SLC67A1: variants seen among roughly 807,000 people sequenced by gnomAD.
SLC67A1 encodes the protein solute carrier family 67 member 1, also known as solute carrier family 67 member A1.
the SLC67A1 span, chr11:2,916,852 T>C: frequency 2.3e-6 from 2 of 852,404 alleles, no homozygotes; most frequent in Non-Finnish European, 3.9e-6. Context: ...ATCTGGGGGC[T>C]ACTCACACCC....
chr11:2,921,904 AC>A, the SLC67A1 span: 2 of 611,316 alleles, frequency 3.3e-6, no homozygotes, highest in Non-Finnish European at 5.9e-6. Context: ...GGGATCTCAG[AC>A]CCATCCTGAC....
At chr11:2,917,057 A>T in the SLC67A1 span, 1 of 271,672 alleles carries the variant, frequency 3.7e-6, no homozygotes, top group Non-Finnish European at 6.7e-6. Flanking sequence ...AGGCCTGGGG[A>T]GGACCAGGAG....
the SLC67A1 span, chr11:2,909,382 G>A: frequency 1.3e-6 from 2 of 1,507,190 alleles, no homozygotes; most frequent in Non-Finnish European, 1.8e-6. Context: ...CTGGAGTCCA[G>A]GTGGGGCCGG....
the SLC67A1 span, chr11:2,925,142 T>C: frequency 1.2e-6 from 2 of 1,613,830 alleles, no homozygotes; most frequent in Non-Finnish European, 1.7e-6. The surrounding 1 kb of genome is among the most constrained non-coding windows in gnomAD (Gnocchi z 6.5). Flanking sequence ...AATACCCTTG[T>C]CCTCCTGGTC....
the SLC67A1 span, chr11:2,919,300 G>C: frequency 1.9e-6 from 3 of 1,611,240 alleles, no homozygotes; most frequent in African/African-American, 4.0e-5. Flanking sequence ...CCCCTGCCCC[G>C]GCTCAGGGCT....
chr11:2,924,332 C>A, the SLC67A1 span, among the ~76,000 whole-genome samples: 2 of 152,102 alleles, frequency 1.3e-5, no homozygotes, highest in Non-Finnish European at 2.9e-5. This position sits in a 1 kb window ranked among gnomAD's most constrained non-coding sequence, Gnocchi z 8.6. Context: ...AAAGCCCCTC[C>A]CAGCCCTGTG....
At chr11:2,899,767 T>C in the SLC67A1 span, 1 of 1,424,622 alleles carries the variant, frequency 7.0e-7, no homozygotes, top group East Asian at 2.5e-5. Context: ...ACCAGTTCCC[T>C]GGCTACCTGA....
the SLC67A1 span, chr11:2,909,082 A>G: frequency 1.0e-6 from 1 of 1,004,186 alleles, no homozygotes; most frequent in Non-Finnish European, 1.4e-6. Context: ...CCCGCCCTCC[A>G]TCCCCATCCC....
chr11:2,917,887 C>A, the SLC67A1 span: 4 of 813,580 alleles, frequency 4.9e-6, no homozygotes, highest in Non-Finnish European at 3.8e-6. Context: ...TTTACCCTGG[C>A]GGGCGCAACA....
chr11:2,900,907 C>G, the SLC67A1 span, among the ~76,000 whole-genome samples: 6 of 152,104 alleles, frequency 3.9e-5, no homozygotes, highest in African/African-American at 1.4e-4. Flanking sequence ...TGGAGCAGGA[C>G]CCTCCTGGAA....
chr11:2,918,999 G>A, the SLC67A1 span: 1 of 362,554 alleles, frequency 2.8e-6, no homozygotes, highest in Non-Finnish European at 5.2e-6. Context: ...TCTTATAACA[G>A]AGAGCCGTGG....
the SLC67A1 span, among the ~76,000 whole-genome samples, chr11:2,901,289 G>A: frequency 3.3e-5 from 5 of 152,372 alleles, no homozygotes; most frequent in South Asian, 6.2e-4. Flanking sequence ...TAGCCAGCCG[G>A]CCTTGGGCCA....
the SLC67A1 span, chr11:2,919,082 G>T: frequency 1.7e-6 from 1 of 578,904 alleles, no homozygotes; most frequent in Non-Finnish European, 3.2e-6. Context: ...CCTGCTCACA[G>T]TCCAGAGCTT....
the SLC67A1 span, chr11:2,922,536 C>T: frequency 4.3e-6 from 7 of 1,612,798 alleles, no homozygotes; most frequent in South Asian, 7.7e-5. Flanking sequence ...CTGATCAAGG[C>T]TGTCTCCACC....
the SLC67A1 span, chr11:2,909,069 G>C: frequency 2.4e-6 from 2 of 851,012 alleles, no homozygotes; most frequent in East Asian, 6.1e-5. Flanking sequence ...CCGCCCAGGC[G>C]CCCCCGCCCT....
chr11:2,918,404 G>A, the SLC67A1 span, among the ~76,000 whole-genome samples: 1 of 152,260 alleles, frequency 6.6e-6, no homozygotes, highest in Non-Finnish European at 1.5e-5. Flanking sequence ...AGCCTGAGAT[G>A]CAGGGACAGC....
At chr11:2,924,336 C>T in the SLC67A1 span, among the ~76,000 whole-genome samples, 1 of 152,114 alleles carries the variant, frequency 6.6e-6, no homozygotes, top group Non-Finnish European at 1.5e-5. This position sits in a 1 kb window ranked among gnomAD's most constrained non-coding sequence, Gnocchi z 8.6. Flanking sequence ...CCCCTCCCAG[C>T]CCTGTGAGGG....
chr11:2,911,720 G>A, the SLC67A1 span, among the ~76,000 whole-genome samples: 3 of 152,274 alleles, frequency 2.0e-5, no homozygotes, highest in South Asian at 2.1e-4. Context: ...GTCCGAGCTC[G>A]CTCAGGCAGT....
chr11:2,903,338 T>A, the SLC67A1 span: 83 of 1,611,886 alleles, frequency 5.1e-5, no homozygotes, highest in Non-Finnish European at 6.6e-5. Context: ...CTGCTGCGCC[T>A]GTCCAGGATG....
Sources: gnomAD v4.1 joint callset for allele counts (sites outside exome capture counted in the v4.1 genomes callset) on GRCh38, gnomAD v4.1.1 for gene constraint, Gnocchi (gnomAD v3.1) non-coding constraint, MANE v1.5 for transcripts, NCBI Gene and HGNC (gene_info 2026-07-23, HGNC 2026-07-21) for gene names.